KLF12: variants seen among roughly 807,000 people sequenced by gnomAD.
KLF12 encodes Krueppel-like factor 12.
Under a neutral mutation model 37.8 loss-of-function variants are expected in KLF12, and 9 were observed. The observed-to-expected ratio is 0.24, with a 90% CI of 0.14 to 0.42. KLF12 has a LOEUF of 0.42. KLF12 is among the 10% of genes least tolerant of loss of function. The pLI is 1.00. For missense variants in KLF12, 411 were observed against 516.0 expected (o/e 0.80, Z 1.97); for synonymous variants, 208 against 202.1 (o/e 1.03, Z -0.25).
chr13:73,722,116 A>G (rs1328740906), intron 6 of KLF12, among the ~76,000 whole-genome samples: 1 of 152,214 alleles, frequency 6.6e-6, no homozygotes, highest in Non-Finnish European at 1.5e-5. Context: ...ATTATTTAAA[A>G]TAAGACATTG....
chr13:73,888,295 C>T (rs759340312), intron 3 of KLF12, among the ~76,000 whole-genome samples: 2 of 152,182 alleles, frequency 1.3e-5, no homozygotes, highest in Admixed American at 6.5e-5. Flanking sequence ...TGAGCCACCG[C>T]GCCCGGCCAC....
At chr13:74,121,431 G>GA (rs1001783209) in intron 1 of KLF12, among the ~76,000 whole-genome samples, 20 of 151,874 alleles carry the variant, frequency 1.3e-4, no homozygotes, top group Non-Finnish European at 2.8e-4. Flanking sequence ...TAAAAGAAAA[G>GA]AAAAAAGCTA....
At chr13:74,135,693 C>T (rs569092063), upstream of KLF12, among the ~76,000 whole-genome samples, 3 of 152,152 alleles carry the variant, frequency 2.0e-5, no homozygotes, top group African/African-American at 4.8e-5. Context: ...CAGTATTCCC[C>T]TGCCCCGCGC....
chr13:74,164,863 T>C, the KLF12 span, among the ~76,000 whole-genome samples: 13 of 152,016 alleles, frequency 8.6e-5, no homozygotes, highest in Non-Finnish European at 1.6e-4. Context: ...ATGAAAACAA[T>C]TGAACTGATG....
intron 2 of KLF12, among the ~76,000 whole-genome samples, chr13:73,975,230 T>C (rs2138137477): frequency 6.6e-6 from 1 of 152,348 alleles, no homozygotes; most frequent in South Asian, 2.1e-4. Context: ...CTCGTTCTAC[T>C]GTATAGAATG....
chr13:73,924,577 C>T (rs968872399), intron 3 of KLF12, among the ~76,000 whole-genome samples: 1 of 152,110 alleles, frequency 6.6e-6, no homozygotes, highest in Non-Finnish European at 1.5e-5. Flanking sequence ...CCATCTCCTC[C>T]AGCCCCCTAT....
intron 3 of KLF12, among the ~76,000 whole-genome samples, chr13:73,902,925 A>G (rs946029071): frequency 1.2e-4 from 18 of 152,246 alleles, no homozygotes; most frequent in African/African-American, 3.6e-4. Flanking sequence ...TATTTGGTTA[A>G]TGCCATTTCT....
intron 1 of KLF12, among the ~76,000 whole-genome samples, chr13:74,033,285 T>C (rs1459415119): frequency 6.6e-6 from 1 of 152,204 alleles, no homozygotes; most frequent in Non-Finnish European, 1.5e-5. Flanking sequence ...GTTACTCTAT[T>C]TGGTGTATGC....
the KLF12 span, among the ~76,000 whole-genome samples, chr13:74,268,151 ATATACTAAGGAGAGATTCTC>A: frequency 2.2e-5 from 2 of 89,642 alleles, no homozygotes; most frequent in Non-Finnish European, 4.5e-5. Context: ...AAAGGGACAA[ATATACTAAGGAGAGATTCTC>A]TATATTATTT....
At chr13:73,884,125 G>A (rs551768654) in intron 3 of KLF12, among the ~76,000 whole-genome samples, 13 of 152,192 alleles carry the variant, frequency 8.5e-5, no homozygotes, top group African/African-American at 2.7e-4. Context: ...ATTATGTCTC[G>A]AAATAAGATG....
intron 3 of KLF12, among the ~76,000 whole-genome samples, chr13:73,907,650 GA>G (rs1346412480): frequency 6.6e-6 from 1 of 152,180 alleles, no homozygotes; most frequent in Non-Finnish European, 1.5e-5. Context: ...GTAACTTGAA[GA>G]AGGTCATCCA....
At chr13:73,988,687 TAAG>T (rs1055379424) in intron 2 of KLF12, among the ~76,000 whole-genome samples, 11 of 152,146 alleles carry the variant, frequency 7.2e-5, no homozygotes, top group African/African-American at 2.4e-4. Context: ...AGCTGCCATA[TAAG>T]AAGAACACCT....
At chr13:74,276,673 GT>G in the KLF12 span, among the ~76,000 whole-genome samples, 1 of 152,128 alleles carries the variant, frequency 6.6e-6, no homozygotes, top group African/African-American at 2.4e-5. Context: ...AATGACTTGT[GT>G]TTTTCTATAC....
At chr13:73,726,586 C>T (rs1876688480) in intron 6 of KLF12, among the ~76,000 whole-genome samples, 1 of 152,174 alleles carries the variant, frequency 6.6e-6, no homozygotes, top group Non-Finnish European at 1.5e-5. Context: ...AGGGCTCATC[C>T]ACATTGTAGC....
intron 1 of KLF12, among the ~76,000 whole-genome samples, chr13:74,092,890 TGA>T (rs1245972376): frequency 1.3e-5 from 2 of 152,226 alleles, no homozygotes. Flanking sequence ...AAGTGGCACC[TGA>T]GAAAGAAGCT....
At chr13:73,846,489 T>C (rs537093173) in intron 3 of KLF12, 116 bp from the exon 4 acceptor site, 1 of 935,170 alleles carries the variant, frequency 1.1e-6, no homozygotes, top group Non-Finnish European at 1.6e-6. Context: ...GGACATTTAT[T>C]CGTTCTCCAA....
chr13:74,136,445 G>A (rs1878557962), upstream of KLF12, among the ~76,000 whole-genome samples: 1 of 152,212 alleles, frequency 6.6e-6, no homozygotes, highest in African/African-American at 2.4e-5. Flanking sequence ...TAGAATCACT[G>A]TGAAGTTTCC....
chr13:74,163,206 T>C, the KLF12 span, among the ~76,000 whole-genome samples: 1 of 152,206 alleles, frequency 6.6e-6, no homozygotes, highest in Admixed American at 6.5e-5. Flanking sequence ...TGAGCTACCA[T>C]ATGATTCAGA....
At chr13:73,979,620 C>G (rs993067356) in intron 2 of KLF12, among the ~76,000 whole-genome samples, 2 of 151,408 alleles carry the variant, frequency 1.3e-5, no homozygotes, top group Non-Finnish European at 2.9e-5. Flanking sequence ...TAATATTTAC[C>G]AAATGAAAAA....
Sources: allele counts gnomAD v4.1 joint callset (sites outside exome capture counted in the v4.1 genomes callset), GRCh38; gene constraint gnomAD v4.1.1; transcripts MANE v1.5; gene names NCBI Gene and HGNC (gene_info 2026-07-23, HGNC 2026-07-21).